The following ACCS variants were observed in gnomAD, a reference collection of about 807,000 sequenced individuals.
ACCS encodes 1-aminocyclopropane-1-carboxylate synthase homolog (inactive), also known as 1-aminocyclopropane-1-carboxylate synthase-like protein 1.
In ACCS, 42 loss-of-function variants were observed where a neutral mutation model predicts 59.8. The ratio of observed to expected loss-of-function variants is 0.70; its 90% CI spans 0.55 to 0.91. ACCS has a LOEUF of 0.91. ACCS is among the 40% of genes least tolerant of loss of function. The pLI is 0.00. For synonymous variants in ACCS, 230 were observed against 240.3 expected (o/e 0.96, Z 0.40); for missense variants, 602 against 630.4 (o/e 0.95, Z 0.48).
At position 44,075,794 on chromosome 11, in the gene ACCS, G is replaced by A. The variant is rs1953333403; in HGVS notation, c.556+202G>A. 14 of 576,798 alleles carry A rather than the reference G, an allele frequency of 2.4e-5. No homozygotes were observed. In the South Asian group the frequency reaches 3.7e-4, roughly 15 times the overall value. 35.7% of individuals were successfully genotyped at this position (576,798 alleles called of 1,614,324 possible). A position where few individuals can be genotyped will look rare whatever the true frequency, so the allele number is the denominator to read the frequency against. On this transcript the variant is annotated intron_variant, in intron 6 of 14. Coordinates refer to ENST00000263776, the MANE Select transcript of ACCS (RefSeq NM_032592.4). ...GAGGTTAGTTTGATGTCAGGGTCCT[G>A]GGCTTTCTCTCTGCCATGACCTTGG...
At chr11:44,078,019 T>A in intron 8 of ACCS, 97 bp downstream of exon 8, 1 of 1,432,674 alleles carries the variant, frequency 7.0e-7, no homozygotes, top group Non-Finnish European at 9.4e-7. Flanking sequence ...GGGAGTAGGG[T>A]TGATACCCGG....
rs112781933 is a variant in ACCS at position 44,078,816 on chromosome 11, G to A, written c.833+32G>A. 7.0e-4 allele frequency: 1,126 copies of A among 1,597,568 alleles called. 8 individuals carry two copies. The African/African-American group carries it at 0.012, about 18-fold the overall frequency. ...CACCCCACACTGGCCCCGACAGAGC[G>A]TCTGGGCAGCCTGGGGTTCCAATGC... On this transcript the variant is annotated intron_variant, in intron 9 of 14. Coordinates refer to ENST00000263776, the MANE Select transcript of ACCS (RefSeq NM_032592.4).
Position 44,083,175 on chromosome 11 carries a change from T to A in ACCS, c.1118T>A (p.Ile373Asn). Residue 373 changes from isoleucine to asparagine, a missense_variant, in exon 13 of 15, where the codon ATC (isoleucine) becomes AAC (asparagine). By Grantham distance (149) the Ile-to-Asn change is moderately radical (BLOSUM62 -3). Transcript: ENST00000263776. ...MAQLLRDRDW[I>N]NQVYLPENHA... ...GCCTCTTTCACCCAAACAGACTGGA[T>A]CAACCAGGTGTACCTGCCGGAAAAC... 1 of 1,614,008 alleles carries A rather than the reference T, an allele frequency of 6.2e-7. No individual in the cohort carries two copies. Among genetic ancestry groups the A allele is most frequent in the Non-Finnish European group, 8.5e-7 (1 of 1,179,926 alleles).
Position 44,083,887 on chromosome 11 carries a change from C to G in ACCS, c.*95C>G. The G allele has an allele frequency of 6.6e-7, 1 of 1,525,534 alleles. No homozygotes were observed. Among genetic ancestry groups the G allele is most frequent in the South Asian group, 1.2e-5 (1 of 80,892 alleles). 94.5% of individuals were successfully genotyped at this position (1,525,534 alleles called of 1,614,324 possible). A position where few individuals can be genotyped will look rare whatever the true frequency, so the allele number is the denominator to read the frequency against. ...AGACTGACTGTGGATGTGCCATTTG[C>G]CAGGAAGGTATCTAACTTGGCTTTG... On this transcript the variant is annotated 3_prime_UTR_variant, in exon 15 of 15. Transcript: ENST00000263776.
chr11:44,083,755 C>T lies in ACCS; in HGVS notation c.1469C>T (p.Pro490Leu), dbSNP rs367774137. ...GKSQVAEDPR[P>L]SQSQEPSDQR... is the part of the protein sequence containing the mutation. ...TCCCAAGTGGCAGAAGACCCCCGTC[C>T]CTCTCAGAGCCAGGAGCCAAGTGAC... is the stretch of plus-strand genomic sequence containing the variant. Residue 490 changes from proline to leucine, a missense_variant, in exon 15 of 15, where the codon CCC becomes CTC. Pro to Leu is a moderately conservative substitution (Grantham distance 98, BLOSUM62 -3). Coordinates refer to ENST00000263776, the MANE Select transcript of ACCS (RefSeq NM_032592.4). 1 of 1,613,746 alleles carries T rather than the reference C, an allele frequency of 6.2e-7. No individual in the cohort carries two copies. Among genetic ancestry groups the T allele is most frequent in the Non-Finnish European group, 8.5e-7 (1 of 1,179,860 alleles).
intron 1 of ACCS, chr11:44,067,008 C>T (rs916200637): frequency 6.5e-6 from 1 of 153,420 alleles, no homozygotes; most frequent in African/African-American, 2.4e-5. Flanking sequence ...GGAAACTAAA[C>T]TGGCTTAGAG....
At chr11:44,067,059 C>T (rs1952824008) in intron 1 of ACCS, 1 of 154,790 alleles carries the variant, frequency 6.5e-6, no homozygotes, top group African/African-American at 2.4e-5. Context: ...GTAGACCACC[C>T]TCTCCTTGGT....
At chr11:44,075,095 AT>A (rs1305124467) in intron 5 of ACCS, among the ~76,000 whole-genome samples, 1 of 152,078 alleles carries the variant, frequency 6.6e-6, no homozygotes, top group Non-Finnish European at 1.5e-5. Flanking sequence ...AAGTGCTGGG[AT>A]TACAGGCCTG....
In ACCS at chr11:44,067,914, G is replaced by A. The variant is rs762972719; in HGVS notation, c.287G>A (p.Ser96Asn). 1.3e-6 allele frequency: 2 copies of A among 1,594,930 alleles called. No individual in the cohort carries two copies. The highest frequency in any genetic ancestry group is 2.2e-5 in the East Asian group (1 of 44,746). ...GAGTATGATGAGGACAAGAACCCCA[G>A]TGTGAGTGAAGCTCCCCTCCCACTG... is the stretch of plus-strand genomic sequence containing the variant. ...MDEYDEDKNPSGIINLGTSEN... is the reference protein window; with the variant it reads ...MDEYDEDKNPNGIINLGTSEN... The change falls in exon 2 of 15, where the codon AGT becomes AAT. Residue 96 changes from serine to asparagine, a missense_variant and splice_region_variant. Physicochemically the swap from Ser to Asn is conservative, Grantham distance 46 (BLOSUM62 1). Coordinates refer to ENST00000263776, the MANE Select transcript of ACCS (RefSeq NM_032592.4).
In ACCS at chr11:44,077,423, A is replaced by G. The variant is rs766553684; in HGVS notation, c.654+47A>G. On this transcript the variant is annotated intron_variant, in intron 7 of 14. Transcript: ENST00000263776. ...GTGGAACCTGGGCCTGCCTGTGGTC[A>G]AGAGTTTCCTGGGTCTGAATTTGAG... is the stretch of plus-strand genomic sequence containing the variant. The G allele has an allele frequency of 8.1e-6, 13 of 1,611,032 alleles. No homozygotes were observed. The Admixed American group carries it at 1.8e-4, about 23-fold the overall frequency.
rs988555326 is a variant in ACCS at position 44,075,591 on chromosome 11, G to A, written c.555G>A (p.Gly185=). ...TGGCCACGGTGCTGTGTGAGGCCGG[G>A]GGTAAGTGAGCTCTGTGGCCTGCCC... ...SALATVLCEA[G]EAFLIPTPYY... Residue 185 remains glycine, a splice_region_variant and synonymous_variant, in exon 6 of 15, where the codon GGG becomes GGA. Transcript: ENST00000263776. 1.2e-6 allele frequency: 2 copies of A among 1,613,990 alleles called. No individual in the cohort carries two copies. The highest frequency in any genetic ancestry group is 1.1e-5 in the South Asian group (1 of 91,088).
chr11:44,077,864 GC>G lies in ACCS; in HGVS notation c.678del (p.Phe227SerfsTer12). The G allele has an allele frequency of 6.2e-7, 1 of 1,613,874 alleles. No individual in the cohort carries two copies. The highest frequency in any genetic ancestry group is 8.5e-7 in the Non-Finnish European group (1 of 1,179,916). On this transcript the variant is annotated frameshift_variant, in exon 8 of 15. Coordinates refer to ENST00000263776, the MANE Select transcript of ACCS (RefSeq NM_032592.4). LOFTEE classifies it high-confidence loss of function. ...LDSEVTGLDT[R>X]PFQLTVEKLE... ...TTCCAGGTCACTGGGCTAGACACAC[GC>G]CCCTTCCAGCTCACAGTGGAGAAGC...
rs1952810905 is a variant in ACCS, at chr11:44,066,721, C to T, written c.-1+20C>T. On this transcript the variant is annotated intron_variant, in intron 1 of 14. Coordinates refer to ENST00000263776, the MANE Select transcript of ACCS (RefSeq NM_032592.4). ...CTGGAGGTGAGCGCTCTTGGGAGAGCCCAGCCAATTTAAAGAGTACCCCTG... is the reference window on the plus strand; with the variant it reads ...CTGGAGGTGAGCGCTCTTGGGAGAGTCCAGCCAATTTAAAGAGTACCCCTG... 6.6e-6 allele frequency: 1 copy of T among 152,238 alleles called. No individual in the cohort carries two copies. The highest frequency in any genetic ancestry group is 1.5e-5 in the Non-Finnish European group (1 of 68,088). 9.4% of individuals were successfully genotyped at this position (152,238 alleles called of 1,614,324 possible).
At position 44,083,976 on chromosome 11, in the gene ACCS, G is replaced by A. The variant is rs1043381032; in HGVS notation, c.*184G>A. The A allele has an allele frequency of 3.7e-5, 49 of 1,329,682 alleles. No individual in the cohort carries two copies. In the African/African-American group the frequency reaches 6.2e-4, roughly 17 times the overall value. The allele number at this position is 1,329,682 out of a possible 1,614,324, so 82.4% of individuals were successfully genotyped here. On this transcript the variant is annotated 3_prime_UTR_variant, in exon 15 of 15. Coordinates refer to ENST00000263776, the MANE Select transcript of ACCS (RefSeq NM_032592.4). ...GGGAAACTCCTTAAGCTGTGGTTCA[G>A]CCTGGGCCCTCCCTCTCTCCTATTA... is the stretch of plus-strand genomic sequence containing the variant.
At chr11:44,074,432 A>T (rs1953209978) in intron 4 of ACCS, among the ~76,000 whole-genome samples, 180 bp from the exon 5 acceptor site, 1 of 151,858 alleles carries the variant, frequency 6.6e-6, no homozygotes, top group Non-Finnish European at 1.5e-5. Flanking sequence ...TCTGCAATGC[A>T]TGTGGGTACT....
intron 10 of ACCS, chr11:44,080,431 G>A (rs1422964315): frequency 1.3e-5 from 2 of 152,944 alleles, no homozygotes; most frequent in Non-Finnish European, 2.9e-5. Flanking sequence ...GGAAACTGAG[G>A]CACAGAAAAA....
At position 44,078,661 on chromosome 11, in the gene ACCS, C is replaced by G. The variant is rs1052704703; in HGVS notation, c.733-23C>G. The G allele has an allele frequency of 4.3e-6, 7 of 1,611,818 alleles. No individual in the cohort carries two copies. In the East Asian group the frequency reaches 1.3e-4, roughly 31 times the overall value. On this transcript the variant is annotated intron_variant, in intron 8 of 14. Coordinates refer to ENST00000263776, the MANE Select transcript of ACCS (RefSeq NM_032592.4). ...GGCCTTGGGGAAGAGCTGAGGGTCT[C>G]CTGCCCTAACGGATGGTTTCAGGGT...
chr11:44,077,759 G>T, intron 7 of ACCS, 86 bp from the exon 8 acceptor site: 1 of 1,535,174 alleles, frequency 6.5e-7, no homozygotes, highest in East Asian at 2.3e-5. Context: ...GGGATTACAG[G>T]GGAGGAGAGG....
Position 44,078,620 on chromosome 11 carries a change from TTGAC to T in ACCS, c.733-61_733-58del, listed in dbSNP as rs1953488353. On this transcript the variant is annotated intron_variant, in intron 8 of 14. Transcript: ENST00000263776. Reference sequence around the variant, plus strand: ...GGAGCCTTCCAGCGATCAGCCCCCTTTGACTGTGTGGCTCTGGCCTTGGGGAAGA... The same window carrying T: ...GGAGCCTTCCAGCGATCAGCCCCCTTTGTGTGGCTCTGGCCTTGGGGAAGA... 3.4e-6 allele frequency: 5 copies of T among 1,481,192 alleles called. 1 individual carries two copies. In the African/African-American group the frequency reaches 5.5e-5, roughly 16 times the overall value. 91.8% of individuals were successfully genotyped at this position (1,481,192 alleles called of 1,614,324 possible).
Sources: allele counts gnomAD v4.1 joint callset (sites outside exome capture counted in the v4.1 genomes callset), GRCh38; gene constraint gnomAD v4.1.1; transcripts MANE v1.5; gene names NCBI Gene and HGNC (gene_info 2026-07-23, HGNC 2026-07-21).